The following CEP95 variants were observed in gnomAD, a reference collection of about 807,000 sequenced individuals.
CEP95 encodes the protein centrosomal protein of 95 kDa.
Under a neutral mutation model 111.2 loss-of-function variants are expected in CEP95, and 98 were observed. The observed-to-expected ratio is 0.88, with a 90% CI of 0.75 to 1.04. The LOEUF is 1.04. CEP95 is among the 50% of genes least tolerant of loss of function. The probability of loss-of-function intolerance (pLI) is 0.00; values close to 1 mark genes in which losing one functional copy is unlikely to be tolerated. For missense variants in CEP95, 1,027 were observed against 977.2 expected (o/e 1.05, Z -0.68); for synonymous variants, 323 against 327.1 (o/e 0.99, Z 0.14).
At chr17:64,508,557 T>G in intron 1 of CEP95, 35 bp from the exon 2 acceptor site, 1 of 1,338,048 alleles carries the variant, frequency 7.5e-7, no homozygotes, top group African/African-American at 1.5e-5. Flanking sequence ...TTCTGGTGGT[T>G]TTTAAGACTG....
At chr17:64,507,792 CAT>C in intron 1 of CEP95, 1 of 985,412 alleles carries the variant, frequency 1.0e-6, no homozygotes, top group South Asian at 4.7e-5. Flanking sequence ...GTGTCCAGAA[CAT>C]AGTGGAGATG....
Position 64,525,799 on chromosome 17 carries a change from C to T in CEP95, c.939C>T (p.Ser313=). 3.7e-6 allele frequency: 6 copies of T among 1,606,586 alleles called. No homozygotes were observed. Among genetic ancestry groups the T allele is most frequent in the Non-Finnish European group, 4.2e-6 (5 of 1,177,340 alleles). ...GDLDDGLFLI[S]KLPKGSKWEV... ...TAGATGATGGACTTTTCTTAATTTCCAAGTTGCCTAAAGGCAGCAAATGGG... is the reference window on the plus strand; with the variant it reads ...TAGATGATGGACTTTTCTTAATTTCTAAGTTGCCTAAAGGCAGCAAATGGG... The change falls in exon 9 of 20, where the codon TCC becomes TCT. Residue 313 remains serine (S), a synonymous_variant. Coordinates refer to ENST00000556440, the MANE Select transcript of CEP95 (RefSeq NM_138363.3).
chr17:64,524,564 G>A (rs1408458410), intron 8 of CEP95, among the ~76,000 whole-genome samples: 1 of 152,082 alleles, frequency 6.6e-6, no homozygotes, highest in Non-Finnish European at 1.5e-5. Context: ...GCCTGCCTCT[G>A]CTTCCCAGAT....
intron 3 of CEP95, among the ~76,000 whole-genome samples, chr17:64,511,907 T>C (rs2038919256): frequency 6.6e-6 from 1 of 152,228 alleles, no homozygotes; most frequent in African/African-American, 2.4e-5. Flanking sequence ...TCCCTCTGTT[T>C]GGGGTCCCTG....
chr17:64,531,260 A>C (rs1188667977), intron 13 of CEP95, among the ~76,000 whole-genome samples: 3 of 152,230 alleles, frequency 2.0e-5, no homozygotes, highest in African/African-American at 7.2e-5. Flanking sequence ...ACTTCCCATC[A>C]GTTTTTAAGG....
chr17:64,523,280 A>G (rs1024681258), intron 8 of CEP95, among the ~76,000 whole-genome samples: 1 of 152,146 alleles, frequency 6.6e-6, no homozygotes, highest in Admixed American at 6.5e-5. Context: ...AGTAGCTACT[A>G]TATTTATTTA....
At chr17:64,534,459 C>T in intron 16 of CEP95, 126 bp from the exon 17 acceptor site, 1 of 813,458 alleles carries the variant, frequency 1.2e-6, no homozygotes, top group Non-Finnish European at 1.9e-6. Flanking sequence ...CTTCTGGGGC[C>T]ACTGGCCCCC....
At chr17:64,526,982 C>A in intron 10 of CEP95, 129 bp from the exon 11 acceptor site, 1 of 639,252 alleles carries the variant, frequency 1.6e-6, no homozygotes, top group Non-Finnish European at 2.7e-6. Context: ...AATAATTAAA[C>A]ATGCATAAGC....
chr17:64,514,044 GGCA>G (rs879997424), intron 3 of CEP95, among the ~76,000 whole-genome samples: 2 of 152,016 alleles, frequency 1.3e-5, no homozygotes, highest in Non-Finnish European at 2.9e-5. Flanking sequence ...AATATAATCA[GGCA>G]GCAGGAAATT....
chr17:64,534,355 G>A (rs1182168516), intron 16 of CEP95: 3 of 443,882 alleles, frequency 6.8e-6, no homozygotes, highest in Non-Finnish European at 1.2e-5. Context: ...AGTTCCACAG[G>A]AGTGCCCAGG....
At chr17:64,513,998 G>A (rs1419490479) in intron 3 of CEP95, among the ~76,000 whole-genome samples, 1 of 152,132 alleles carries the variant, frequency 6.6e-6, no homozygotes, top group Non-Finnish European at 1.5e-5. Context: ...TGAATTATTA[G>A]ACGCCATATT....
chr17:64,527,629 T>C (rs746916694), intron 11 of CEP95, among the ~76,000 whole-genome samples: 1 of 152,182 alleles, frequency 6.6e-6, no homozygotes, highest in Non-Finnish European at 1.5e-5. Context: ...TGTTTTATGT[T>C]GTTTAAAAAT....
At chr17:64,524,490 A>AT (rs1267806440) in intron 8 of CEP95, among the ~76,000 whole-genome samples, 1 of 151,984 alleles carries the variant, frequency 6.6e-6, no homozygotes, top group Non-Finnish European at 1.5e-5. Flanking sequence ...TTTTAAAAAT[A>AT]TTTTTAGTAG....
At chr17:64,509,751 T>C (rs2038787386) in intron 2 of CEP95, among the ~76,000 whole-genome samples, 1 of 152,082 alleles carries the variant, frequency 6.6e-6, no homozygotes, top group African/African-American at 2.4e-5. Flanking sequence ...TGCTGTGTTT[T>C]TTTTTTCTTC....
chr17:64,536,708 A>G lies in CEP95; in HGVS notation c.2177A>G (p.Gln726Arg), dbSNP rs1555681616. Residue 726 changes from glutamine (Q) to arginine (R), a missense_variant, in exon 18 of 20, where the codon CAG becomes CGG. By Grantham distance (43) the Gln-to-Arg change is conservative (BLOSUM62 1). Transcript: ENST00000556440. ...CGAGATGAACAAAGGAGACGCCACC[A>G]GGATGAACTGGACTCCATGGAGAAC... Reference protein sequence around the residue: ...EKRDEQRRRHQDELDSMENYY... With the variant: ...EKRDEQRRRHRDELDSMENYY... 1.2e-6 allele frequency: 2 copies of G among 1,612,750 alleles called. No homozygotes were observed. The highest frequency in any genetic ancestry group is 1.7e-6 in the Non-Finnish European group (2 of 1,179,518).
At chr17:64,509,307 C>G (rs2038763504) in intron 2 of CEP95, among the ~76,000 whole-genome samples, 1 of 152,248 alleles carries the variant, frequency 6.6e-6, no homozygotes, top group Admixed American at 6.5e-5. Context: ...GATAGGATTA[C>G]AGGCATGAGC....
At chr17:64,507,448 G>A in intron 1 of CEP95, 1 of 1,327,024 alleles carries the variant, frequency 7.5e-7, no homozygotes, top group Non-Finnish European at 9.6e-7. Context: ...TGTGCCCTCC[G>A]CCCTTGCACT....
chr17:64,519,724 T>C (rs1967164889), intron 6 of CEP95, among the ~76,000 whole-genome samples: 1 of 152,238 alleles, frequency 6.6e-6, no homozygotes, highest in Admixed American at 6.5e-5. Context: ...CTGGTCACGC[T>C]TTCAGGGTAT....
At chr17:64,508,367 A>G (rs990818132) in intron 1 of CEP95, 74 of 984,912 alleles carry the variant, frequency 7.5e-5, no homozygotes, top group Middle Eastern at 5.2e-4. Context: ...AGTTTTGACT[A>G]TGTAGAAATT....
Sources: allele counts gnomAD v4.1 joint callset (sites outside exome capture counted in the v4.1 genomes callset), GRCh38; gene constraint gnomAD v4.1.1; transcripts MANE v1.5; gene names NCBI Gene and HGNC (gene_info 2026-07-23, HGNC 2026-07-21).